ALK: variants seen among roughly 807,000 people sequenced by gnomAD.
ALK encodes the protein ALK tyrosine kinase receptor.
Under a neutral mutation model 163.1 loss-of-function variants are expected in ALK, and 74 were observed. The observed-to-expected ratio is 0.45, with a 90% CI of 0.38 to 0.55. ALK has a LOEUF of 0.55. Ranked by LOEUF, ALK falls within the 20% of genes least tolerant of loss-of-function variation. The probability of loss-of-function intolerance (pLI) is 0.00; values close to 1 mark genes in which losing one functional copy is unlikely to be tolerated. For missense variants in ALK, 2,063 were observed against 2,105.3 expected (o/e 0.98, Z 0.39); for synonymous variants, 960 against 843.2 (o/e 1.14, Z -2.40).
At chr2:29,567,812 T>A (rs1247680681) in intron 3 of ALK, among the ~76,000 whole-genome samples, 1 of 152,234 alleles carries the variant, frequency 6.6e-6, no homozygotes, top group Non-Finnish European at 1.5e-5. Context: ...GAAAGCATTT[T>A]CCTGATTCAT....
At chr2:29,683,472 G>A (rs1208289006) in intron 3 of ALK, among the ~76,000 whole-genome samples, 20 of 152,154 alleles carry the variant, frequency 1.3e-4, no homozygotes, top group Admixed American at 1.2e-3. Flanking sequence ...AAAATTCAAA[G>A]TGGACCATAA....
At chr2:29,336,098 G>A (rs1667605071) in intron 5 of ALK, among the ~76,000 whole-genome samples, 1 of 152,146 alleles carries the variant, frequency 6.6e-6, no homozygotes, top group African/African-American at 2.4e-5. Flanking sequence ...ATTCTCAGGG[G>A]CATATGGTTG....
intron 11 of ALK, among the ~76,000 whole-genome samples, chr2:29,274,453 G>C (rs1665474867): frequency 6.6e-6 from 1 of 152,320 alleles, no homozygotes; most frequent in South Asian, 2.1e-4. Context: ...CTGGCATGGG[G>C]CTGGGGCAGC....
chr2:29,538,291 G>T (rs1310381291), intron 3 of ALK, among the ~76,000 whole-genome samples: 1 of 152,142 alleles, frequency 6.6e-6, no homozygotes, highest in Admixed American at 6.5e-5. Context: ...CTGGTGGGAG[G>T]TGATTGGATC....
chr2:29,252,799 TGAATGGCTGATTGTTA>T (rs1400631488), intron 11 of ALK, among the ~76,000 whole-genome samples: 1 of 152,140 alleles, frequency 6.6e-6, no homozygotes, highest in Admixed American at 6.5e-5. Context: ...ACTTTGGGTG[TGAATGGCTGATTGTTA>T]GTTTCCTGAT....
At chr2:29,392,491 C>T (rs933235264) in intron 4 of ALK, among the ~76,000 whole-genome samples, 87 of 152,150 alleles carry the variant, frequency 5.7e-4, no homozygotes, top group African/African-American at 2.1e-3. Context: ...TATTTTGGCC[C>T]CTTTCATTGT....
chr2:29,484,028 T>C (rs1235450349), intron 4 of ALK, among the ~76,000 whole-genome samples: 1 of 152,134 alleles, frequency 6.6e-6, no homozygotes, highest in Non-Finnish European at 1.5e-5. Flanking sequence ...CAGGGGGAAC[T>C]GCACTTTACA....
At chr2:29,802,289 CAGAGA>C (rs1211153186) in intron 1 of ALK, among the ~76,000 whole-genome samples, 1 of 135,780 alleles carries the variant, frequency 7.4e-6, no homozygotes, top group Non-Finnish European at 1.6e-5. Flanking sequence ...GAGAGTAGAG[CAGAGA>C]AGAGGAGGGG....
intron 3 of ALK, among the ~76,000 whole-genome samples, chr2:29,591,260 T>C (rs1301160234): frequency 6.6e-6 from 1 of 152,154 alleles, no homozygotes; most frequent in African/African-American, 2.4e-5. Context: ...TATCAGGTCC[T>C]TCAGACTTCC....
chr2:29,440,670 CT>C (rs1670518759), intron 4 of ALK, among the ~76,000 whole-genome samples: 1 of 152,204 alleles, frequency 6.6e-6, no homozygotes, highest in African/African-American at 2.4e-5. Flanking sequence ...AAACCCTTCT[CT>C]TGTCAGGGTC....
chr2:29,743,979 T>C (rs1206623706), intron 1 of ALK, among the ~76,000 whole-genome samples: 2 of 151,958 alleles, frequency 1.3e-5, no homozygotes, highest in Non-Finnish European at 2.9e-5. Flanking sequence ...GTTTTTTTTT[T>C]CTTTAATTGA....
chr2:29,574,349 A>T (rs1674464165), intron 3 of ALK, among the ~76,000 whole-genome samples: 1 of 152,206 alleles, frequency 6.6e-6, no homozygotes, highest in Non-Finnish European at 1.5e-5. Flanking sequence ...CTCTTTCTAA[A>T]CCGAAACGTA....
intron 26 of ALK, among the ~76,000 whole-genome samples, chr2:29,199,898 C>G (rs778572871): frequency 2.0e-5 from 3 of 152,100 alleles, no homozygotes; most frequent in Non-Finnish European, 4.4e-5. Context: ...AACAATAGTT[C>G]CTTCATCTTC....
At chr2:29,521,423 T>C (rs1672809162) in intron 4 of ALK, among the ~76,000 whole-genome samples, 1 of 152,162 alleles carries the variant, frequency 6.6e-6, no homozygotes, top group Non-Finnish European at 1.5e-5. Flanking sequence ...AGCTTACTGA[T>C]GTAAGATTCT....
chr2:29,201,644 G>T lies in ALK; in HGVS notation c.3939-3968C>A, dbSNP rs568876342. Among the ~76,000 whole-genome samples, 24 of 152,144 alleles carry T rather than the reference G, an allele frequency of 1.6e-4. 3 individuals are homozygous for T. The highest frequency in any genetic ancestry group is 6.8e-3 in the Middle Eastern group (2 of 294). ...TCTACTAAAAATACAAAAATTAGCT[G>T]GGTGTGGTAGCACGCGTCTGTAATC... On this transcript the variant is annotated intron_variant, in intron 26 of 28. Transcript: ENST00000389048.
At chr2:29,692,518 A>G (rs1421842810) in intron 3 of ALK, among the ~76,000 whole-genome samples, 1 of 152,246 alleles carries the variant, frequency 6.6e-6, no homozygotes, top group African/African-American at 2.4e-5. Flanking sequence ...CTCAACCTAG[A>G]ACCCTTGCAT....
chr2:29,213,574 T>G (rs1419505708), intron 24 of ALK, among the ~76,000 whole-genome samples: 1 of 152,188 alleles, frequency 6.6e-6, no homozygotes, highest in Non-Finnish European at 1.5e-5. Context: ...GCAGGGGTCC[T>G]CACAGGAGGT....
At chr2:29,386,473 G>A (rs569372459) in intron 4 of ALK, among the ~76,000 whole-genome samples, 3 of 152,280 alleles carry the variant, frequency 2.0e-5, no homozygotes, top group South Asian at 2.1e-4. Context: ...AAAAAGAGCC[G>A]AATTTGTCTT....
chr2:29,598,190 T>A (rs1675269753), intron 3 of ALK, among the ~76,000 whole-genome samples: 1 of 152,150 alleles, frequency 6.6e-6, no homozygotes, highest in Admixed American at 6.5e-5. Flanking sequence ...CCACGCCAGC[T>A]AATTTTTGTA....
Sources: allele counts gnomAD v4.1 joint callset (sites outside exome capture counted in the v4.1 genomes callset), GRCh38; gene constraint gnomAD v4.1.1; transcripts MANE v1.5; gene names NCBI Gene and HGNC (gene_info 2026-07-23, HGNC 2026-07-21).